Variants in DOK7 observed in about 807,000 individuals in gnomAD.
The protein encoded by DOK7 is protein Dok-7.
Under a neutral mutation model 30.7 loss-of-function variants are expected in DOK7, and 32 were observed. That is an observed-to-expected ratio of 1.04 (90% CI 0.79 to 1.40). The LOEUF is 1.40. Among genes scored for constraint, DOK7 ranks in the 40% most tolerant of loss-of-function variants. The pLI, the probability that DOK7 is intolerant of heterozygous loss-of-function variation, is 0.00. For synonymous variants in DOK7, 447 were observed against 324.1 expected (o/e 1.38, Z -4.07); for missense variants, 1,007 against 699.2 (o/e 1.44, Z -4.97).
intron 2 of DOK7, among the ~76,000 whole-genome samples, chr4:3,467,172 T>C (rs1726334725): frequency 6.7e-6 from 1 of 148,494 alleles, no homozygotes; most frequent in Admixed American, 6.9e-5. Context: ...CCCATCGTGT[T>C]CAGTGTGGGC....
At chr4:3,501,408 C>T (rs961332603) in exon 8 of DOK7, 10 of 154,082 alleles carry the variant, frequency 6.5e-5, no homozygotes, top group Admixed American at 1.9e-4. Flanking sequence ...CACCTGGGGA[C>T]GGAGCCTGGA....
At position 3,494,063 on chromosome 4, in the gene DOK7, G is replaced by A. The variant is rs1728742312; in HGVS notation, c.*562G>A. ...AGGAAACTGAAGCTCAGGAGGCTGT[G>A]TGGCTTGCGGGGTCTCTGGGTTCTG... On this transcript the variant is annotated 3_prime_UTR_variant, in exon 7 of 7. Transcript: ENST00000340083. 2.0e-6 allele frequency: 2 copies of A among 987,174 alleles called. No individual in the cohort carries two copies. Among genetic ancestry groups the A allele is most frequent in the Non-Finnish European group, 2.4e-6 (2 of 831,258 alleles). The allele number at this position is 987,174 out of a possible 1,614,324, so 61.2% of individuals were successfully genotyped here.
At chr4:3,500,432 G>C (rs1486236171) in intron 7 of DOK7, 1 of 1,533,742 alleles carries the variant, frequency 6.5e-7, no homozygotes, top group African/African-American at 1.4e-5. Flanking sequence ...TGGAGGCACT[G>C]ACAATTGGGG....
intron 4 of DOK7, among the ~76,000 whole-genome samples, chr4:3,477,168 T>C (rs1452726474): frequency 6.6e-6 from 1 of 152,240 alleles, no homozygotes; most frequent in Non-Finnish European, 1.5e-5. Flanking sequence ...CAGGAGCAGG[T>C]TGTTCCAGCA....
intron 2 of DOK7, among the ~76,000 whole-genome samples, chr4:3,468,483 CATGTAT>C (rs1560205224): frequency 7.0e-6 from 1 of 143,350 alleles, no homozygotes; most frequent in Non-Finnish European, 1.5e-5. Flanking sequence ...CCTCTGTGTA[CATGTAT>C]GAGTGTGCAT....
intron 2 of DOK7, among the ~76,000 whole-genome samples, chr4:3,465,593 C>T (rs551568711): frequency 8.7e-4 from 133 of 152,350 alleles, no homozygotes; most frequent in African/African-American, 2.3e-3. Context: ...CTCCTCCTTG[C>T]GTTTTTCTCA....
Position 3,476,384 on chromosome 4 carries a change from A to T in DOK7, c.374A>T (p.Glu125Val). The T allele has an allele frequency of 6.2e-7, 1 of 1,611,924 alleles. No individual in the cohort carries two copies. The highest frequency in any genetic ancestry group is 8.5e-7 in the Non-Finnish European group (1 of 1,179,722). ...HVTVAPGTKL[E>V]SGPATLHLCN... The stretch of plus-strand genomic sequence containing the variant: ...ACAGTGGCTCCAGGCACCAAGTTGG[A>T]GAGCGGCCCGGCTACCCTGCACCTC... Residue 125 changes from glutamate to valine, a missense_variant, in exon 4 of 7, where the codon GAG (glutamate) becomes GTG (valine). By Grantham distance (121) the Glu-to-Val change is moderately radical. Transcript: ENST00000340083.
chr4:3,501,229 C>T (rs145724592), exon 8 of DOK7: 231 of 195,562 alleles, frequency 1.2e-3, no homozygotes, highest in Non-Finnish European at 1.9e-3. Flanking sequence ...ACAGCCGTGT[C>T]CTGGCAAAAT....
exon 7 of DOK7, chr4:3,500,261 A>G: frequency 6.5e-7 from 1 of 1,535,486 alleles, no homozygotes. Context: ...GATCCCCAGG[A>G]CCCGTGGCTG....
rs141073685 is a variant in DOK7 at position 3,472,625 on chromosome 4, A to G, written c.101-781A>G. On this transcript the variant is annotated intron_variant, in intron 2 of 6. Coordinates refer to ENST00000340083, the MANE Select transcript of DOK7 (RefSeq NM_173660.5). The stretch of plus-strand genomic sequence containing the variant: ...CCAGGTGGTTTGCCCAAGGCCACAC[A>G]GGGACTGTGCTGTGCCAGGTTTGAG... 3.4e-3 allele frequency among the ~76,000 whole-genome samples: 520 copies of G among 152,342 alleles called. 5 individuals are homozygous for G. Among genetic ancestry groups the G allele is most frequent in the Middle Eastern group, 0.014 (4 of 294 alleles).
At position 3,493,366 on chromosome 4, in the gene DOK7, G is replaced by A. The variant is rs758267468; in HGVS notation, c.1380G>A (p.Gln460=). 9 of 1,597,436 alleles carry A rather than the reference G, an allele frequency of 5.6e-6. No individual in the cohort carries two copies. The highest frequency in any genetic ancestry group is 1.1e-5 in the South Asian group (1 of 89,392). ...GGGGCCTGGTGATGGAGGCCCCCCA[G>A]GGCAGCGAGGCCACACTGCCTGGCC... ...RRRGLVMEAP[Q]GSEATLPGPA... is the part of the protein sequence containing the mutation. The change falls in exon 7 of 7, where the codon CAG becomes CAA. Residue 460 remains glutamine (Q), a synonymous_variant. Transcript: ENST00000340083.
At chr4:3,487,981 G>A (rs1481128093) in intron 5 of DOK7, among the ~76,000 whole-genome samples, 1 of 152,240 alleles carries the variant, frequency 6.6e-6, no homozygotes, top group Non-Finnish European at 1.5e-5. Context: ...AAAGTGCCAG[G>A]AGCTGCTAAG....
At position 3,494,058 on chromosome 4, in the gene DOK7, G is replaced by A. The variant is rs1728742103; in HGVS notation, c.*557G>A. ...ATGGGAGGAAACTGAAGCTCAGGAG[G>A]CTGTGTGGCTTGCGGGGTCTCTGGG... On this transcript the variant is annotated 3_prime_UTR_variant, in exon 7 of 7. Transcript: ENST00000340083. 3.0e-6 allele frequency: 3 copies of A among 987,406 alleles called. 1 individual carries two copies. Among genetic ancestry groups the A allele is most frequent in the South Asian group, 9.4e-5 (2 of 21,356 alleles). The allele number at this position is 987,406 out of a possible 1,614,324, so 61.2% of individuals were successfully genotyped here. A position where few individuals can be genotyped will look rare whatever the true frequency, so the allele number is the denominator to read the frequency against.
At chr4:3,471,340 C>T (rs1191481477) in intron 2 of DOK7, among the ~76,000 whole-genome samples, 3 of 152,260 alleles carry the variant, frequency 2.0e-5, no homozygotes, top group African/African-American at 7.2e-5. Flanking sequence ...CAAGGCCATA[C>T]AGCTGGGAGG....
Position 3,468,867 on chromosome 4 carries a change from A to G in DOK7, c.101-4539A>G, listed in dbSNP as rs926534490. On this transcript the variant is annotated intron_variant, in intron 2 of 6. Coordinates refer to ENST00000340083, the MANE Select transcript of DOK7 (RefSeq NM_173660.5). ...TATGTGTGTGCGCGTATGAGTGTGC[A>G]TGCCTGTGTACGAGTGTGCCTGTGT... 4.0e-4 allele frequency among the ~76,000 whole-genome samples: 52 copies of G among 129,342 alleles called. 1 individual carries two copies. The highest frequency in any genetic ancestry group is 1.4e-3 in the African/African-American group (45 of 31,320). The allele number at this position is 129,342 out of a possible 152,430, so 84.9% of individuals were successfully genotyped here.
chr4:3,493,783 G>C lies in DOK7; in HGVS notation c.*282G>C. The stretch of plus-strand genomic sequence containing the variant: ...TTCACTCCGTGTCCCCCACCCCTGA[G>C]GATCAGGTGAGTGCTGCACCTCTGT... On this transcript the variant is annotated 3_prime_UTR_variant, in exon 7 of 7. Coordinates refer to ENST00000340083, the MANE Select transcript of DOK7 (RefSeq NM_173660.5). 7.3e-7 allele frequency: 1 copy of C among 1,375,048 alleles called. No individual in the cohort carries two copies. Among genetic ancestry groups the C allele is most frequent in the Non-Finnish European group, 9.4e-7 (1 of 1,065,558 alleles). The allele number at this position is 1,375,048 out of a possible 1,614,324, so 85.2% of individuals were successfully genotyped here. A position where few individuals can be genotyped will look rare whatever the true frequency, so the allele number is the denominator to read the frequency against.
chr4:3,500,705 C>T, exon 8 of DOK7: 2 of 1,535,806 alleles, frequency 1.3e-6, no homozygotes, highest in Non-Finnish European at 1.7e-6. Context: ...CTGGCGCCTC[C>T]CTCTACGCCC....
downstream of DOK7, chr4:3,494,514 T>TCCGCCTCCTCGCCCACCCTCCACG: frequency 2.0e-6 from 2 of 985,586 alleles, no homozygotes; most frequent in Non-Finnish European, 2.4e-6. Context: ...CCCAGCCCTC[T>TCCGCCTCCTCGCCCACCCTCCACG]CCGCCTCCTC....
At chr4:3,463,579 G>T in intron 2 of DOK7, 28 bp downstream of exon 2, 1 of 1,514,568 alleles carries the variant, frequency 6.6e-7, no homozygotes, top group South Asian at 1.2e-5. Flanking sequence ...GGGACGGGGG[G>T]CGCGGGGGTA....
Sources: gnomAD v4.1 joint callset for allele counts (sites outside exome capture counted in the v4.1 genomes callset) on GRCh38, gnomAD v4.1.1 for gene constraint, MANE v1.5 for transcripts, NCBI Gene and HGNC (gene_info 2026-07-23, HGNC 2026-07-21) for gene names.